Variants in PTGER4 observed in about 807,000 individuals in gnomAD.
The protein encoded by PTGER4 is prostaglandin E receptor 4.
Under a neutral mutation model 33.2 loss-of-function variants are expected in PTGER4, and 11 were observed. The ratio of observed to expected loss-of-function variants is 0.33; its 90% CI spans 0.21 to 0.55. PTGER4 has a LOEUF of 0.55. Among genes scored for constraint, PTGER4 ranks in the 20% least tolerant of loss-of-function variants. The pLI is 0.92. For synonymous variants in PTGER4, 275 were observed against 281.5 expected, an observed-to-expected ratio of 0.98 and a Z score of 0.23; for missense variants, 481 against 650.2, an observed-to-expected ratio of 0.74 and a Z score of 2.83.
intron 2 of PTGER4, among the ~76,000 whole-genome samples, chr5:40,689,783 G>T (rs1425040847): frequency 6.6e-6 from 1 of 152,044 alleles, no homozygotes; most frequent in Non-Finnish European, 1.5e-5. Context: ...CCTTTTTGTG[G>T]TTTTTATGTA....
chr5:40,705,835 G>A, the PTGER4 span, among the ~76,000 whole-genome samples: 1 of 152,136 alleles, frequency 6.6e-6, no homozygotes, highest in Non-Finnish European at 1.5e-5. Flanking sequence ...GATGCTAGCT[G>A]GCAAGGTTGT....
the PTGER4 span, among the ~76,000 whole-genome samples, chr5:40,722,611 G>T: frequency 6.6e-6 from 1 of 151,872 alleles, no homozygotes; most frequent in Non-Finnish European, 1.5e-5. Flanking sequence ...TCTGAGAAGT[G>T]AGGAGCCCCT....
the PTGER4 span, among the ~76,000 whole-genome samples, chr5:40,702,608 G>C: frequency 6.6e-6 from 1 of 152,206 alleles, no homozygotes; most frequent in Admixed American, 6.5e-5. Flanking sequence ...AGATCATCAA[G>C]GCAGAAAATT....
intron 2 of PTGER4, among the ~76,000 whole-genome samples, chr5:40,682,173 C>T (rs1053768629): frequency 1.3e-5 from 2 of 151,820 alleles, no homozygotes; most frequent in East Asian, 1.9e-4. Context: ...GAAAACCCCC[C>T]GCCCCCTCTG....
the PTGER4 span, among the ~76,000 whole-genome samples, chr5:40,700,810 T>C: frequency 1.3e-5 from 2 of 152,142 alleles, no homozygotes; most frequent in Admixed American, 1.3e-4. Context: ...GGAACATGGC[T>C]GCAACTATGA....
At chr5:40,704,332 G>C in the PTGER4 span, among the ~76,000 whole-genome samples, 4 of 152,070 alleles carry the variant, frequency 2.6e-5, no homozygotes, top group African/African-American at 7.2e-5. Context: ...AAGGAACAAA[G>C]CTCAAAATAG....
the PTGER4 span, among the ~76,000 whole-genome samples, chr5:40,707,381 C>G: frequency 6.6e-6 from 1 of 152,100 alleles, no homozygotes; most frequent in African/African-American, 2.4e-5. Flanking sequence ...GGTTGCAATC[C>G]TAGTCTCTGA....
the PTGER4 span, among the ~76,000 whole-genome samples, chr5:40,736,391 A>T: frequency 6.6e-6 from 1 of 152,224 alleles, no homozygotes; most frequent in Non-Finnish European, 1.5e-5. Context: ...AATGCATGGT[A>T]AATTCTAATT....
At chr5:40,706,803 A>G in the PTGER4 span, among the ~76,000 whole-genome samples, 6 of 152,146 alleles carry the variant, frequency 3.9e-5, no homozygotes, top group Non-Finnish European at 7.4e-5. Context: ...CCCACAAAGA[A>G]AAGCCTATCA....
At chr5:40,708,375 A>C in the PTGER4 span, among the ~76,000 whole-genome samples, 369 of 152,364 alleles carry the variant, frequency 2.4e-3, no homozygotes, top group African/African-American at 8.5e-3. Flanking sequence ...ACAGAAATAC[A>C]AACTGCCATC....
chr5:40,694,867 C>T (rs1433110441), downstream of PTGER4, among the ~76,000 whole-genome samples: 2 of 152,192 alleles, frequency 1.3e-5, no homozygotes, highest in African/African-American at 4.8e-5. Context: ...ATTTGTAAAA[C>T]TTAACAGCTA....
chr5:40,696,680 G>GAGA (rs1433579201), downstream of PTGER4: 5 of 985,024 alleles, frequency 5.1e-6, no homozygotes, highest in East Asian at 5.7e-4. Flanking sequence ...CACCATGGAA[G>GAGA]AGAAGGACAG....
At chr5:40,701,713 C>T in the PTGER4 span, among the ~76,000 whole-genome samples, 1 of 151,926 alleles carries the variant, frequency 6.6e-6, no homozygotes, top group Non-Finnish European at 1.5e-5. Flanking sequence ...GAAGATCATC[C>T]CCAAGACACA....
chr5:40,703,706 C>T, the PTGER4 span, among the ~76,000 whole-genome samples: 1 of 151,666 alleles, frequency 6.6e-6, no homozygotes, highest in Admixed American at 6.6e-5. Flanking sequence ...AGATCAAGAC[C>T]ATTCTGGCCA....
chr5:40,719,779 C>T, the PTGER4 span, among the ~76,000 whole-genome samples: 35 of 152,210 alleles, frequency 2.3e-4, no homozygotes, highest in African/African-American at 8.2e-4. Flanking sequence ...TTTTCATTTC[C>T]TTGACAAGTA....
At chr5:40,709,784 T>C in the PTGER4 span, among the ~76,000 whole-genome samples, 2 of 152,346 alleles carry the variant, frequency 1.3e-5, no homozygotes, top group South Asian at 2.1e-4. Flanking sequence ...CTTCAAACTA[T>C]ACTACAAGGC....
the PTGER4 span, among the ~76,000 whole-genome samples, chr5:40,723,448 A>T: frequency 8.7e-4 from 132 of 152,212 alleles, no homozygotes; most frequent in East Asian, 3.3e-3. Flanking sequence ...AAAAAAATTT[A>T]AAAAAATTTC....
In PTGER4 at chr5:40,692,324, C is replaced by T; in HGVS notation, c.1413C>T (p.Ser471=). The T allele has an allele frequency of 6.2e-7, 1 of 1,608,898 alleles. No homozygotes were observed. The highest frequency in any genetic ancestry group is 8.5e-7 in the Non-Finnish European group (1 of 1,177,710). ...CTGGGCCTGCCCCTAAGGGGAGCTCCCTGCAAGTCACATTTCCCAGTGAAA... is the reference window on the plus strand; with the variant it reads ...CTGGGCCTGCCCCTAAGGGGAGCTCTCTGCAAGTCACATTTCCCAGTGAAA... ...GRAGPAPKGS[S]LQVTFPSETL... The change falls in exon 3 of 3, where the codon TCC becomes TCT. Residue 471 remains serine, a synonymous_variant. Transcript: ENST00000302472.
At position 40,693,277 on chromosome 5, in the gene PTGER4, T is replaced by A. The variant is rs899603770; in HGVS notation, c.*899T>A. On this transcript the variant is annotated 3_prime_UTR_variant, in exon 3 of 3. Coordinates refer to ENST00000302472, the MANE Select transcript of PTGER4 (RefSeq NM_000958.3). ...AAAACATAACATAAATTTTTTGAAGTCTTTAATAAATAACCCATAATTGAA... is the reference window on the plus strand; with the variant it reads ...AAAACATAACATAAATTTTTTGAAGACTTTAATAAATAACCCATAATTGAA... The A allele has an allele frequency of 8.2e-6, 8 of 976,424 alleles. No individual in the cohort carries two copies. Among genetic ancestry groups the A allele is most frequent in the African/African-American group, 1.8e-5 (1 of 57,118 alleles). The allele number at this position is 976,424 out of a possible 1,614,324, so 60.5% of individuals were successfully genotyped here. A position where few individuals can be genotyped will look rare whatever the true frequency, so the allele number is the denominator to read the frequency against.
Sources: gnomAD v4.1 joint callset for allele counts (sites outside exome capture counted in the v4.1 genomes callset) on GRCh38, gnomAD v4.1.1 for gene constraint, MANE v1.5 for transcripts, NCBI Gene and HGNC (gene_info 2026-07-23, HGNC 2026-07-21) for gene names.